CHCHD4: variants seen among roughly 807,000 people sequenced by gnomAD.
CHCHD4 encodes the protein mitochondrial intermembrane space import and assembly protein 40.
In CHCHD4, 7 loss-of-function variants were observed where a neutral mutation model predicts 12.4. That is an observed-to-expected ratio of 0.57 (90% CI 0.32 to 1.06). CHCHD4 has a LOEUF of 1.06. Among genes scored for constraint, CHCHD4 ranks in the 50% least tolerant of loss-of-function variants. CHCHD4 has a pLI of 0.04. For synonymous variants in CHCHD4, 56 were observed against 58.0 expected, an observed-to-expected ratio of 0.97 and a Z score of 0.16; for missense variants, 143 against 175.1, an observed-to-expected ratio of 0.82 and a Z score of 1.03.
intron 1 of CHCHD4, among the ~76,000 whole-genome samples, chr3:14,124,022 A>G (rs1318357422): frequency 6.6e-6 from 1 of 152,222 alleles, no homozygotes; most frequent in Non-Finnish European, 1.5e-5. Context: ...TTGCTGGCTG[A>G]GTGGCTTTAG....
chr3:14,113,840 A>G (rs116195395), intron 2 of CHCHD4, among the ~76,000 whole-genome samples: 5,039 of 152,352 alleles, frequency 0.033, 285 homozygotes, highest in African/African-American at 0.11. Context: ...TTGGGCAGGA[A>G]GCAAGGTTAT....
intron 2 of CHCHD4, among the ~76,000 whole-genome samples, chr3:14,115,248 T>C (rs1236678178): frequency 2.0e-5 from 3 of 151,934 alleles, no homozygotes; most frequent in Non-Finnish European, 4.4e-5. Flanking sequence ...AGCAGATACA[T>C]TGCAAGTGAC....
At chr3:14,122,023 CAA>C (rs1694940749) in intron 1 of CHCHD4, 4 of 1,613,040 alleles carry the variant, frequency 2.5e-6, no homozygotes, top group Admixed American at 1.7e-5. Flanking sequence ...TTGTCCCTGA[CAA>C]AGAGCTTCAG....
intron 1 of CHCHD4, among the ~76,000 whole-genome samples, chr3:14,118,465 C>T (rs1309900427): frequency 1.3e-5 from 2 of 152,218 alleles, no homozygotes; most frequent in Non-Finnish European, 2.9e-5. Flanking sequence ...AAAAACCGAG[C>T]GACATCTCCA....
intron 1 of CHCHD4, 61 bp downstream of exon 1, chr3:14,124,594 G>A (rs1694983738): frequency 2.1e-6 from 3 of 1,429,674 alleles, no homozygotes; most frequent in Admixed American, 3.2e-5. Context: ...GGGGCGCCGG[G>A]GCCCGCGTGT....
intron 2 of CHCHD4, among the ~76,000 whole-genome samples, chr3:14,115,269 A>T (rs183837330): frequency 1.4e-5 from 2 of 144,132 alleles, no homozygotes; most frequent in African/African-American, 2.9e-5. Flanking sequence ...AGAAGCAGGT[A>T]AAAAAAAACA....
At chr3:14,114,961 C>T (rs1694860802) in intron 2 of CHCHD4, among the ~76,000 whole-genome samples, 1 of 152,156 alleles carries the variant, frequency 6.6e-6, no homozygotes, top group Admixed American at 6.5e-5. Context: ...ATCTTTAAGG[C>T]CCTCTTGATG....
In CHCHD4 at chr3:14,112,671, C is replaced by T; in HGVS notation, c.*216G>A. The T allele has an allele frequency of 2.2e-6, 1 of 448,758 alleles. No individual in the cohort carries two copies. 27.8% of individuals were successfully genotyped at this position (448,758 alleles called of 1,614,324 possible). A position where few individuals can be genotyped will look rare whatever the true frequency, so the allele number is the denominator to read the frequency against. On this transcript the variant is annotated 3_prime_UTR_variant, in exon 3 of 3. Transcript: ENST00000396914. ...TCTGAGAATTCAAAAGTGGCGGCCA[C>T]AGGTTTGGGTAGGACACACATACAT... is the stretch of plus-strand genomic sequence containing the variant.
At chr3:14,117,443 T>C (rs1011865682) in intron 1 of CHCHD4, among the ~76,000 whole-genome samples, 1 of 152,148 alleles carries the variant, frequency 6.6e-6, no homozygotes, top group East Asian at 1.9e-4. Flanking sequence ...TCAGCCCCCA[T>C]GGAGTACAAC....
At chr3:14,122,977 T>C (rs925569229) in intron 1 of CHCHD4, among the ~76,000 whole-genome samples, 3 of 147,144 alleles carry the variant, frequency 2.0e-5, no homozygotes, top group African/African-American at 7.6e-5. Context: ...ACATAAGCTC[T>C]GATACAGTAA....
intron 2 of CHCHD4, among the ~76,000 whole-genome samples, chr3:14,113,562 A>C (rs1467718126): frequency 3.3e-5 from 5 of 152,108 alleles, no homozygotes; most frequent in Non-Finnish European, 7.4e-5. Context: ...TGAGGTATTG[A>C]TCTCCTCTTT....
At chr3:14,124,303 G>A (rs1374818297) in intron 1 of CHCHD4, among the ~76,000 whole-genome samples, 1 of 152,210 alleles carries the variant, frequency 6.6e-6, no homozygotes, top group East Asian at 1.9e-4. Context: ...AGGAGCGGTA[G>A]TGATAATTAA....
At chr3:14,116,735 AAG>A (rs537204412) in intron 1 of CHCHD4, among the ~76,000 whole-genome samples, 10 of 152,304 alleles carry the variant, frequency 6.6e-5, no homozygotes, top group Non-Finnish European at 1.2e-4. Context: ...ACTGAAGAAA[AAG>A]AGTGTCCTGG....
intron 1 of CHCHD4, chr3:14,122,166 C>T: frequency 1.4e-6 from 2 of 1,480,126 alleles, no homozygotes; most frequent in Non-Finnish European, 1.8e-6. Flanking sequence ...AAGAAAGTGG[C>T]ATTTAAAAGG....
chr3:14,117,842 G>A (rs1001327651), intron 1 of CHCHD4, among the ~76,000 whole-genome samples: 26 of 152,202 alleles, frequency 1.7e-4, no homozygotes, highest in African/African-American at 5.1e-4. Flanking sequence ...AGTCTACACT[G>A]TTGGAGATCC....
At chr3:14,119,563 C>A (rs938867659) in intron 1 of CHCHD4, among the ~76,000 whole-genome samples, 6 of 152,360 alleles carry the variant, frequency 3.9e-5, no homozygotes, top group African/African-American at 1.4e-4. Context: ...ACTAGTGGGA[C>A]AATCAGCTAG....
intron 1 of CHCHD4, among the ~76,000 whole-genome samples, chr3:14,123,690 G>A (rs539627763): frequency 3.9e-5 from 6 of 152,302 alleles, no homozygotes; most frequent in African/African-American, 9.6e-5. Flanking sequence ...CTCTGGCGCA[G>A]AGAAGGTGCT....
intron 2 of CHCHD4, 107 bp downstream of exon 2, chr3:14,116,319 A>G: frequency 1.2e-6 from 1 of 801,434 alleles, no homozygotes; most frequent in Non-Finnish European, 2.3e-6. Context: ...GAGAATAGAT[A>G]CCTGAAAACT....
chr3:14,121,805 T>A, intron 1 of CHCHD4: 1 of 1,572,136 alleles, frequency 6.4e-7, no homozygotes, highest in South Asian at 1.2e-5. Flanking sequence ...TCTAACCCCT[T>A]TGAAAGATAC....
Sources: allele counts gnomAD v4.1 joint callset (sites outside exome capture counted in the v4.1 genomes callset), GRCh38; gene constraint gnomAD v4.1.1; transcripts MANE v1.5; gene names NCBI Gene and HGNC (gene_info 2026-07-23, HGNC 2026-07-21).